Variants in CNTNAP4 observed in about 807,000 individuals in gnomAD.
The protein encoded by CNTNAP4 is contactin-associated protein-like 4.
A neutral mutation model predicts 148.4 loss-of-function variants in CNTNAP4; 98 were observed. The ratio of observed to expected loss-of-function variants is 0.66; its 90% CI spans 0.56 to 0.78. The LOEUF is 0.78. CNTNAP4 is among the 30% of genes least tolerant of loss of function. CNTNAP4 has a pLI of 0.00. For synonymous variants in CNTNAP4, 730 were observed against 565.1 expected (o/e 1.29, Z -4.14); for missense variants, 1,935 against 1,565.6 (o/e 1.24, Z -3.98).
At chr16:76,541,104 A>G (rs951476077) in intron 21 of CNTNAP4, among the ~76,000 whole-genome samples, 1 of 152,236 alleles carries the variant, frequency 6.6e-6, no homozygotes, top group African/African-American at 2.4e-5. Context: ...AAAATAACAA[A>G]GTATGTATTA....
intron 3 of CNTNAP4, among the ~76,000 whole-genome samples, chr16:76,417,842 C>T (rs534243895): frequency 2.6e-4 from 39 of 151,746 alleles, no homozygotes; most frequent in African/African-American, 8.4e-4. Flanking sequence ...TTCTCCTTCA[C>T]TTTGGAAGGA....
chr16:76,513,198 T>C (rs569974570), intron 15 of CNTNAP4, among the ~76,000 whole-genome samples: 1 of 152,274 alleles, frequency 6.6e-6, no homozygotes, highest in Non-Finnish European at 1.5e-5. Context: ...CAGGTGATGT[T>C]GCAGGAAGGT....
intron 15 of CNTNAP4, among the ~76,000 whole-genome samples, chr16:76,520,029 A>C (rs1429484956): frequency 6.6e-6 from 1 of 152,218 alleles, no homozygotes; most frequent in Non-Finnish European, 1.5e-5. Context: ...CTGTTTTCCA[A>C]CATCAGAGGA....
chr16:76,355,472 C>T lies in CNTNAP4; in HGVS notation c.351C>T (p.Gly117=). 1.2e-6 allele frequency: 2 copies of T among 1,611,308 alleles called. No homozygotes were observed. The highest frequency in any genetic ancestry group is 1.7e-6 in the Non-Finnish European group (2 of 1,178,816). ...ACCTCCTGATGTTCAGTGATAGTGG[C>T]TGGAACTGGAAACAATATCGCCAAG... ...TSYLLMFSDS[G]WNWKQYRQED... is the part of the protein sequence containing the mutation. Residue 117 remains glycine, a synonymous_variant, in exon 3 of 24, where the codon GGC becomes GGT. Coordinates refer to ENST00000611870, the MANE Select transcript of CNTNAP4 (RefSeq NM_033401.5).
chr16:76,337,970 C>T (rs1380000883), intron 2 of CNTNAP4, among the ~76,000 whole-genome samples: 4 of 152,238 alleles, frequency 2.6e-5, no homozygotes, highest in South Asian at 2.1e-4. Flanking sequence ...TTTCAGGGTG[C>T]CCTGATTTCA....
Position 76,538,172 on chromosome 16 carries a change from T to A in CNTNAP4, c.3052T>A (p.Tyr1018Asn). ...CGTGATATACAATTTTCAAGAAAAT[T>A]ATCTTTTAAGTAAAAACTCCAGCTC... ...SSVIYNFQEN[Y>N]LLSKNSSSHA... The change falls in exon 19 of 24, where the codon TAT becomes AAT. Residue 1018 changes from tyrosine to asparagine, a missense_variant. Transcript: ENST00000611870. 1 of 1,598,974 alleles carries A rather than the reference T, an allele frequency of 6.3e-7. No individual in the cohort carries two copies. The highest frequency in any genetic ancestry group is 8.5e-7 in the Non-Finnish European group (1 of 1,174,260).
rs1188046207 is a variant in CNTNAP4 at position 76,372,211 on chromosome 16, T to C, written c.390+16700T>C. On this transcript the variant is annotated intron_variant, in intron 3 of 23. Coordinates refer to ENST00000611870, the MANE Select transcript of CNTNAP4 (RefSeq NM_033401.5). ...CTTGAATGCAGTGGCGCAATCTCGG[T>C]TCACTGCAAGCTCCGCCTCCCAGGT... is the stretch of plus-strand genomic sequence containing the variant. 8.7e-5 allele frequency among the ~76,000 whole-genome samples: 13 copies of C among 149,058 alleles called. No individual in the cohort carries two copies. The East Asian group carries it at 2.2e-3, about 25-fold the overall frequency.
At chr16:76,522,594 CTCTT>C (rs1267140899) in intron 17 of CNTNAP4, among the ~76,000 whole-genome samples, 2 of 140,582 alleles carry the variant, frequency 1.4e-5, no homozygotes, top group African/African-American at 2.8e-5. Context: ...TTCTCTCTCT[CTCTT>C]TCTTTTCTTT....
At chr16:76,381,984 C>A (rs568951555) in intron 3 of CNTNAP4, among the ~76,000 whole-genome samples, 61 of 149,276 alleles carry the variant, frequency 4.1e-4, no homozygotes, top group Admixed American at 3.0e-3. Context: ...GCAGGTGAAC[C>A]CAGGAGGCGG....
At position 76,390,982 on chromosome 16, in the gene CNTNAP4, A is replaced by G. The variant is rs147659811; in HGVS notation, c.390+35471A>G. Among the ~76,000 whole-genome samples, 379 of 152,292 alleles carry G rather than the reference A, an allele frequency of 2.5e-3. 4 individuals are homozygous for G. Among genetic ancestry groups the G allele is most frequent in the African/African-American group, 8.8e-3 (366 of 41,568 alleles). On this transcript the variant is annotated intron_variant, in intron 3 of 23. Transcript: ENST00000611870. Reference sequence around the variant, plus strand: ...ATCATAGAGAATGGGGTATCCATTCACTCAAGCACTTATCCTTTGAGTCAC... The same window carrying G: ...ATCATAGAGAATGGGGTATCCATTCGCTCAAGCACTTATCCTTTGAGTCAC...
rs746286778 is a variant in CNTNAP4, at chr16:76,452,788, G to C, written c.1333+19G>C. The C allele has an allele frequency of 2.0e-6, 3 of 1,519,782 alleles. No individual in the cohort carries two copies. The highest frequency in any genetic ancestry group is 2.6e-6 in the Non-Finnish European group (3 of 1,134,994). 94.1% of individuals were successfully genotyped at this position (1,519,782 alleles called of 1,614,324 possible). ...ACAGCAGGTAATAAATGTATTCCCT[G>C]GGGCAAAGCATATGGATTTGAAAGA... On this transcript the variant is annotated intron_variant, in intron 8 of 23. Transcript: ENST00000611870.
chr16:76,515,022 C>G (rs1271399353), intron 15 of CNTNAP4, among the ~76,000 whole-genome samples: 9 of 152,148 alleles, frequency 5.9e-5, no homozygotes, highest in South Asian at 2.1e-4. Context: ...GCTAGGAAAT[C>G]TAAAAATCTA....
intron 12 of CNTNAP4, among the ~76,000 whole-genome samples, chr16:76,479,741 T>C (rs957144691): frequency 6.6e-6 from 1 of 152,160 alleles, no homozygotes; most frequent in African/African-American, 2.4e-5. Context: ...ATGTGGCATC[T>C]GTGTAAAACA....
intron 10 of CNTNAP4, among the ~76,000 whole-genome samples, chr16:76,473,856 GTTTTGTTTTGTTTTGT>G (rs1236555777): frequency 0.51 from 75,532 of 147,702 alleles, 19,210 homozygotes; most frequent in Admixed American, 0.59. Flanking sequence ...TTTTTGTTTT[GTTTTGTTTTGTTTTGT>G]TTTTTAATCT....
At chr16:76,481,002 G>C (rs1444215183) in intron 12 of CNTNAP4, among the ~76,000 whole-genome samples, 1 of 152,166 alleles carries the variant, frequency 6.6e-6, no homozygotes, top group Non-Finnish European at 1.5e-5. Context: ...GCATTATACT[G>C]ATTGGCTACG....
At chr16:76,496,405 C>A (rs1365520436) in intron 14 of CNTNAP4, among the ~76,000 whole-genome samples, 2 of 152,048 alleles carry the variant, frequency 1.3e-5, no homozygotes, top group East Asian at 3.8e-4. Context: ...GATTATAAAA[C>A]TTCTTGTATT....
intron 2 of CNTNAP4, among the ~76,000 whole-genome samples, chr16:76,323,007 T>TTTG (rs965544130): frequency 1.3e-5 from 2 of 151,778 alleles, no homozygotes; most frequent in Non-Finnish European, 2.9e-5. Flanking sequence ...CCTAATTTTT[T>TTTG]TTGTTGTTGT....
At position 76,369,254 on chromosome 16, in the gene CNTNAP4, G is replaced by T. The variant is rs143988591; in HGVS notation, c.390+13743G>T. 3.9e-3 allele frequency among the ~76,000 whole-genome samples: 591 copies of T among 152,162 alleles called. 1 individual carries two copies. The highest frequency in any genetic ancestry group is 0.013 in the African/African-American group (557 of 41,522). On this transcript the variant is annotated intron_variant, in intron 3 of 23. Transcript: ENST00000611870. ...AAAATAATACGTTCTTTCATTTTAA[G>T]TTATTCATTTCATATAATTTTTCTT... is the stretch of plus-strand genomic sequence containing the variant.
chr16:76,368,488 T>G (rs1239439409), intron 3 of CNTNAP4, among the ~76,000 whole-genome samples: 1 of 152,178 alleles, frequency 6.6e-6, no homozygotes, highest in Non-Finnish European at 1.5e-5. Context: ...TGGAATACTA[T>G]GCAGCCCTAA....
Sources: allele counts gnomAD v4.1 joint callset (sites outside exome capture counted in the v4.1 genomes callset), GRCh38; gene constraint gnomAD v4.1.1; transcripts MANE v1.5; gene names NCBI Gene and HGNC (gene_info 2026-07-23, HGNC 2026-07-21).